Variants in RNF207 observed in about 807,000 individuals in gnomAD.
RNF207 encodes the protein OTTHUMG00000001089.
Under a neutral mutation model 79.0 loss-of-function variants are expected in RNF207, and 72 were observed. That is an observed-to-expected ratio of 0.91 (90% CI 0.75 to 1.11). RNF207 has a LOEUF of 1.11. Among genes scored for constraint, RNF207 ranks in the 50% least tolerant of loss-of-function variants. The pLI is 0.00. For missense variants in RNF207, 936 were observed against 855.8 expected (o/e 1.09, Z -1.17); for synonymous variants, 348 against 366.2 (o/e 0.95, Z 0.57).
rs1668047821 is a variant in RNF207 at position 6,209,213 on chromosome 1, C to A, written c.551+17C>A. On this transcript the variant is annotated intron_variant, in intron 5 of 17. Coordinates refer to ENST00000377939, the MANE Select transcript of RNF207 (RefSeq NM_207396.3). Reference sequence around the variant, plus strand: ...CATGCAGAAGTGCGTACAGGGGACGCGAGGGGAGGGGGCTGGGGGCCGCTG... The same window carrying A: ...CATGCAGAAGTGCGTACAGGGGACGAGAGGGGAGGGGGCTGGGGGCCGCTG... 6.4e-7 allele frequency: 1 copy of A among 1,550,994 alleles called. No individual in the cohort carries two copies. Among genetic ancestry groups the A allele is most frequent in the Non-Finnish European group, 8.7e-7 (1 of 1,147,164 alleles).
rs781631141 is a variant in RNF207, at chr1:6,212,048, T to C, written c.1291T>C (p.Tyr431His). 5 of 1,596,908 alleles carry C rather than the reference T, an allele frequency of 3.1e-6. No individual in the cohort carries two copies. Among genetic ancestry groups the C allele is most frequent in the Non-Finnish European group, 3.4e-6 (4 of 1,171,368 alleles). Residue 431 changes from tyrosine to histidine, a missense_variant, in exon 13 of 18, where the codon TAC (tyrosine) becomes CAC (histidine). By Grantham distance (83) the Tyr-to-His change is moderately conservative. Transcript: ENST00000377939. Reference sequence around the variant, plus strand: ...GCACTGCCGCCACTATGAGGACTCCTACCGGGTGAGGGGGCAGGGATCTGC... The same window carrying C: ...GCACTGCCGCCACTATGAGGACTCCCACCGGGTGAGGGGGCAGGGATCTGC... The part of the protein sequence containing the change: ...AEHCRHYEDS[Y>H]RHLQAEMQSL...
rs751710899 is a variant in RNF207 at position 6,209,407 on chromosome 1, T to TC, written c.628-3dup. On this transcript the variant is annotated splice_region_variant and splice_polypyrimidine_tract_variant and intron_variant, in intron 6 of 17. Transcript: ENST00000377939. ...CGATCGCGAGCCTGACCACGCCCTG[T>TC]CCCCAGGCCGTGAAGGCCCTGCAGA... 146 of 1,522,680 alleles carry TC rather than the reference T, an allele frequency of 9.6e-5. No individual in the cohort carries two copies. Among genetic ancestry groups the TC allele is most frequent in the Non-Finnish European group, 1.1e-4 (121 of 1,140,268 alleles). The allele number at this position is 1,522,680 out of a possible 1,614,324, so 94.3% of individuals were successfully genotyped here.
intron 17 of RNF207, among the ~76,000 whole-genome samples, chr1:6,218,794 T>C (rs1206868235): frequency 6.6e-6 from 1 of 152,168 alleles, no homozygotes; most frequent in Admixed American, 6.5e-5. Context: ...GGCTGATCTT[T>C]GTGTATTTTG....
chr1:6,212,449 A>C, intron 14 of RNF207, 33 bp downstream of exon 14: 1 of 1,572,480 alleles, frequency 6.4e-7, no homozygotes, highest in Admixed American at 1.7e-5. Context: ...CTCCAGCCCC[A>C]CCTGTCAGGG....
chr1:6,217,079 A>G lies in RNF207; in HGVS notation c.1653-1210A>G, dbSNP rs1346065164. On this transcript the variant is annotated intron_variant, in intron 16 of 17. Transcript: ENST00000377939. The surrounding 1 kb of genome is among the most constrained non-coding windows in gnomAD (Gnocchi z 4.2). ...GAGATGGGGTTGTGCTATGTTGCCA[A>G]AGATGGTCTCCAACTCCTGGGCTAA... Among the ~76,000 whole-genome samples the G allele has an allele frequency of 6.6e-6, 1 of 151,998 alleles. No homozygotes were observed. The highest frequency in any genetic ancestry group is 2.4e-5 in the African/African-American group (1 of 41,374).
At position 6,212,690 on chromosome 1, in the gene RNF207, G is replaced by C. The variant is rs1392186150; in HGVS notation, c.1491G>C (p.Glu497Asp). ...CAGCTTTTCTCTTTCAGATTTGGGA[G>C]GAAGCCTATCAGCGAGTGGCTAATG... ...GMRVVFQEIW[E>D]EAYQRVANEQ... The change falls in exon 15 of 18, where the codon GAG (glutamate) becomes GAC (aspartate). Residue 497 changes from glutamate (E) to aspartate (D), a missense_variant. Coordinates refer to ENST00000377939, the MANE Select transcript of RNF207 (RefSeq NM_207396.3). 6.2e-7 allele frequency: 1 copy of C among 1,613,746 alleles called. No homozygotes were observed. The highest frequency in any genetic ancestry group is 1.7e-5 in the Admixed American group (1 of 60,018).
Position 6,220,333 on chromosome 1 carries a change from G to A in RNF207, c.*926G>A, listed in dbSNP as rs148636239. 9.2e-5 allele frequency: 14 copies of A among 152,302 alleles called. No homozygotes were observed. Among genetic ancestry groups the A allele is most frequent in the African/African-American group, 3.4e-4 (14 of 41,544 alleles). 9.4% of individuals were successfully genotyped at this position (152,302 alleles called of 1,614,324 possible). A position where few individuals can be genotyped will look rare whatever the true frequency, so the allele number is the denominator to read the frequency against. ...GTTCCACACCTACGCACCGAGCGTC[G>A]GTGTGCCAGGCCCTGTGCTGGGCAG... On this transcript the variant is annotated 3_prime_UTR_variant, in exon 18 of 18. Coordinates refer to ENST00000377939, the MANE Select transcript of RNF207 (RefSeq NM_207396.3).
intron 14 of RNF207, 25 bp from the exon 15 acceptor site, chr1:6,212,656 TC>T (rs777111700): frequency 8.1e-6 from 13 of 1,606,838 alleles, no homozygotes; most frequent in Non-Finnish European, 1.1e-5. Flanking sequence ...CACTGCCACA[TC>T]CAATGTCCAG....
chr1:6,206,399 C>A (rs1057115811), intron 1 of RNF207, 97 bp downstream of exon 1: 15 of 630,144 alleles, frequency 2.4e-5, no homozygotes, highest in Middle Eastern at 4.3e-4. Context: ...CCTAGCGGCT[C>A]CCCACTCCAT....
chr1:6,213,937 T>G (rs1014177817), intron 16 of RNF207, among the ~76,000 whole-genome samples: 1 of 152,194 alleles, frequency 6.6e-6, no homozygotes, highest in African/African-American at 2.4e-5. Flanking sequence ...AGGGAATGGC[T>G]GGAGCCTGGG....
At position 6,219,428 on chromosome 1, in the gene RNF207, G is replaced by T. The variant is rs1054510811; in HGVS notation, c.*21G>T. The stretch of plus-strand genomic sequence containing the variant: ...CTTAGCAAATGGGACCGGTCCCCAG[G>T]GTCAGGCTCTTAGAGCAGGCACAAG... On this transcript the variant is annotated 3_prime_UTR_variant, in exon 18 of 18. Coordinates refer to ENST00000377939, the MANE Select transcript of RNF207 (RefSeq NM_207396.3). 1.1e-5 allele frequency: 17 copies of T among 1,571,478 alleles called. No homozygotes were observed. The Admixed American group carries it at 2.2e-4, about 20-fold the overall frequency.
chr1:6,210,916 T>C lies in RNF207; in HGVS notation c.989T>C (p.Leu330Pro). The change falls in exon 11 of 18, where the codon CTA becomes CCA. Residue 330 changes from leucine to proline, a missense_variant. Physicochemically the swap from Leu to Pro is moderately conservative, Grantham distance 98. Coordinates refer to ENST00000377939, the MANE Select transcript of RNF207 (RefSeq NM_207396.3). ...GGCATCGTCACGCGGCCGCACCACC[T>C]AAGGCCTATTCAGAGCAGCAAGGTG... Reference protein sequence around the residue: ...LQGIVTRPHHLRPIQSSKIAS... With the variant: ...LQGIVTRPHHPRPIQSSKIAS... 4 of 1,606,912 alleles carry C rather than the reference T, an allele frequency of 2.5e-6. No individual in the cohort carries two copies. The highest frequency in any genetic ancestry group is 3.4e-6 in the Non-Finnish European group (4 of 1,177,522).
intron 16 of RNF207, among the ~76,000 whole-genome samples, chr1:6,218,062 G>T (rs929108444): frequency 6.6e-6 from 1 of 152,246 alleles, no homozygotes; most frequent in African/African-American, 2.4e-5. Flanking sequence ...TGTCTGGCCC[G>T]ACCAGCACGC....
chr1:6,220,274 AG>A lies in RNF207; in HGVS notation c.*870del, dbSNP rs1372010462. On this transcript the variant is annotated 3_prime_UTR_variant, in exon 18 of 18. Transcript: ENST00000377939. ...ACTCCCAGTCCACATGGAAAACATC[AG>A]GGAGTGACAATCCAGCAAGAAATCC... is the stretch of plus-strand genomic sequence containing the variant. 2 of 152,204 alleles carry A rather than the reference AG, an allele frequency of 1.3e-5. No homozygotes were observed. Among genetic ancestry groups the A allele is most frequent in the African/African-American group, 2.4e-5 (1 of 41,436 alleles). 9.4% of individuals were successfully genotyped at this position (152,204 alleles called of 1,614,324 possible).
chr1:6,210,341 C>T (rs1396520299), intron 9 of RNF207, 29 bp from the exon 10 acceptor site: 1 of 1,613,326 alleles, frequency 6.2e-7, no homozygotes, highest in South Asian at 1.1e-5. Flanking sequence ...CCTCCCCGGC[C>T]AGGCACTGAG....
chr1:6,209,468 A>T lies in RNF207; in HGVS notation c.682A>T (p.Met228Leu). ...TREAIALLQA[M>L]VEEVRHSAAE... ...GGAGGCCATCGCGCTGCTGCAGGCC[A>T]TGGTGGAGGAGGTGCGGCACAGCGC... is the stretch of plus-strand genomic sequence containing the variant. Residue 228 changes from methionine (M) to leucine (L), a missense_variant, in exon 7 of 18, where the codon ATG becomes TTG. Physicochemically the swap from Met to Leu is conservative, Grantham distance 15 (BLOSUM62 2). Transcript: ENST00000377939. 1.3e-6 allele frequency: 2 copies of T among 1,504,570 alleles called. No homozygotes were observed. Among genetic ancestry groups the T allele is most frequent in the Non-Finnish European group, 1.8e-6 (2 of 1,133,088 alleles). 93.2% of individuals were successfully genotyped at this position (1,504,570 alleles called of 1,614,324 possible).
Position 6,206,584 on chromosome 1 carries a change from G to A in RNF207, c.49G>A (p.Ala17Thr), listed in dbSNP as rs142728754. Residue 17 changes from alanine (A) to threonine (T), a missense_variant, in exon 2 of 18, where the codon GCC becomes ACC. Coordinates refer to ENST00000377939, the MANE Select transcript of RNF207 (RefSeq NM_207396.3). ...GPLEGPSSLD[A>T]PSIHPLVCPL... ...CCTGGAGGGCCCGAGCTCCCTGGAT[G>A]CCCCGAGCATCCACCCGCTGGTGTG... The A allele has an allele frequency of 6.6e-4, 1,050 of 1,602,964 alleles. 2 individuals are homozygous for A. The highest frequency in any genetic ancestry group is 8.5e-4 in the Non-Finnish European group (997 of 1,179,348).
chr1:6,209,467 C>A lies in RNF207; in HGVS notation c.681C>A (p.Ala227=). 6.6e-7 allele frequency: 1 copy of A among 1,507,728 alleles called. No individual in the cohort carries two copies. Among genetic ancestry groups the A allele is most frequent in the Admixed American group, 2.3e-5 (1 of 43,620 alleles). 93.4% of individuals were successfully genotyped at this position (1,507,728 alleles called of 1,614,324 possible). The stretch of plus-strand genomic sequence containing the variant: ...GGGAGGCCATCGCGCTGCTGCAGGC[C>A]ATGGTGGAGGAGGTGCGGCACAGCG... ...ATREAIALLQ[A]MVEEVRHSAA... Residue 227 remains alanine, a synonymous_variant, in exon 7 of 18, where the codon GCC becomes GCA. Coordinates refer to ENST00000377939, the MANE Select transcript of RNF207 (RefSeq NM_207396.3).
chr1:6,209,547 G>T lies in RNF207; in HGVS notation c.753+8G>T. On this transcript the variant is annotated splice_region_variant and intron_variant, in intron 7 of 17. Transcript: ENST00000377939. ...CTCTTCGGCAGCATGCAGGTGAGGG[G>T]TGGGGGTTGGGGGATAAACGACCCA... The T allele has an allele frequency of 6.9e-7, 1 of 1,453,274 alleles. No homozygotes were observed. Among genetic ancestry groups the T allele is most frequent in the Non-Finnish European group, 9.0e-7 (1 of 1,112,024 alleles). 90.0% of individuals were successfully genotyped at this position (1,453,274 alleles called of 1,614,324 possible).
Sources: gnomAD v4.1 joint callset for allele counts (sites outside exome capture counted in the v4.1 genomes callset) on GRCh38, gnomAD v4.1.1 for gene constraint, Gnocchi (gnomAD v3.1) non-coding constraint, MANE v1.5 for transcripts, NCBI Gene and HGNC (gene_info 2026-07-23, HGNC 2026-07-21) for gene names.